The following RFC5 variants were observed in gnomAD, a reference collection of about 807,000 sequenced individuals.
The protein encoded by RFC5 is replication factor C subunit 5.
Under a neutral mutation model 44.3 loss-of-function variants are expected in RFC5, and 26 were observed. The observed-to-expected ratio is 0.59, with a 90% CI of 0.43 to 0.81. The LOEUF is 0.81. RFC5 is among the 40% of genes least tolerant of loss of function. RFC5 has a pLI of 0.00. For missense variants in RFC5, 328 were observed against 418.6 expected, an observed-to-expected ratio of 0.78 and a Z score of 1.89; for synonymous variants, 155 against 155.2, an observed-to-expected ratio of 1.00 and a Z score of 0.01.
intron 9 of RFC5, among the ~76,000 whole-genome samples, chr12:118,028,683 GAT>G (rs1209546156): frequency 6.7e-6 from 1 of 149,836 alleles, no homozygotes; most frequent in African/African-American, 2.5e-5. Context: ...TGTCTATCTA[GAT>G]ATATATTCCC....
Position 118,031,332 on chromosome 12 carries a change from A to C in RFC5, c.*54A>C. ...GGGCTCAGCAGTGATGGGAGAACAGAGGACAGTTCCAGGATAAACTGCTGC... is the reference window on the plus strand; with the variant it reads ...GGGCTCAGCAGTGATGGGAGAACAGCGGACAGTTCCAGGATAAACTGCTGC... On this transcript the variant is annotated 3_prime_UTR_variant, in exon 11 of 11. Coordinates refer to ENST00000454402, the MANE Select transcript of RFC5 (RefSeq NM_007370.7). The C allele has an allele frequency of 4.1e-6, 5 of 1,233,984 alleles. No homozygotes were observed. Among genetic ancestry groups the C allele is most frequent in the Non-Finnish European group, 5.9e-6 (5 of 843,142 alleles). The allele number at this position is 1,233,984 out of a possible 1,614,324, so 76.4% of individuals were successfully genotyped here.
rs1170433994 is a variant in RFC5, at chr12:118,031,519, G to GAA, written c.*247_*248dup. 3.2e-6 allele frequency: 1 copy of GAA among 309,550 alleles called. No homozygotes were observed. The highest frequency in any genetic ancestry group is 2.2e-5 in the African/African-American group (1 of 46,400). 19.2% of individuals were successfully genotyped at this position (309,550 alleles called of 1,614,324 possible). On this transcript the variant is annotated 3_prime_UTR_variant, in exon 11 of 11. Transcript: ENST00000454402. Reference sequence around the variant, plus strand: ...CTCATACTGCCTGTCTTTTATAGGGGAAAAAAATAACCTTTTTTATTTTAA... The same window carrying GAA: ...CTCATACTGCCTGTCTTTTATAGGGGAAAAAAAAATAACCTTTTTTATTTTAA...
chr12:118,027,821 GT>G, intron 8 of RFC5, 131 bp from the exon 9 acceptor site: 1 of 620,438 alleles, frequency 1.6e-6, no homozygotes, highest in Non-Finnish European at 2.9e-6. Context: ...GCAGCTTCAA[GT>G]TGAAAGAGAA....
chr12:118,029,314 G>A (rs4767651), intron 9 of RFC5, among the ~76,000 whole-genome samples: 15,478 of 152,088 alleles, frequency 0.1, 1,254 homozygotes, highest in East Asian at 0.4. Flanking sequence ...GTTACTCAAG[G>A]GTCTTGAGGT....
downstream of RFC5, chr12:118,036,654 C>T (rs573158902): frequency 4.3e-5 from 37 of 862,116 alleles, no homozygotes; most frequent in Middle Eastern, 2.9e-4. Context: ...TCTTCCAGAA[C>T]GTGTGGTGTA....
rs58896704 is a variant in RFC5 at position 118,027,671 on chromosome 12, T to TA, written c.794-267dup. ...TGGGTGACAGAGGGAGATTCCATCT[T>TA]AAAAAAAAAAAAAAAGAAAGAAAGA... On this transcript the variant is annotated intron_variant, in intron 8 of 10. Coordinates refer to ENST00000454402, the MANE Select transcript of RFC5 (RefSeq NM_007370.7). Among the ~76,000 whole-genome samples the TA allele has an allele frequency of 2.3e-3, 300 of 129,648 alleles. 2 individuals are homozygous for TA. The highest frequency in any genetic ancestry group is 0.02 in the South Asian group (73 of 3,650). 85.1% of individuals were successfully genotyped at this position (129,648 alleles called of 152,430 possible).
At chr12:118,030,078 G>A (rs990466603) in intron 10 of RFC5, among the ~76,000 whole-genome samples, 1 of 152,066 alleles carries the variant, frequency 6.6e-6, no homozygotes, top group East Asian at 1.9e-4. Context: ...TCACAGGCTC[G>A]GCCCACATTG....
At chr12:118,017,672 C>A (rs552558943) in intron 1 of RFC5, 2 of 994,712 alleles carry the variant, frequency 2.0e-6, no homozygotes, top group Non-Finnish European at 2.6e-6. Context: ...TATGTATTTA[C>A]GTATTTTTTT....
At chr12:118,020,064 G>A (rs1398220480) in intron 3 of RFC5, among the ~76,000 whole-genome samples, 2 of 152,164 alleles carry the variant, frequency 1.3e-5, no homozygotes, top group African/African-American at 2.4e-5. Flanking sequence ...GGCCCCTCTA[G>A]ATCAATTCTC....
chr12:118,026,147 C>T (rs986904362), intron 7 of RFC5, among the ~76,000 whole-genome samples: 2 of 151,912 alleles, frequency 1.3e-5, no homozygotes, highest in Non-Finnish European at 2.9e-5. Flanking sequence ...CCAGCCTGGT[C>T]CCAGCAAATC....
At chr12:118,025,306 T>C in intron 6 of RFC5, 1 of 357,758 alleles carries the variant, frequency 2.8e-6, no homozygotes, top group Non-Finnish European at 5.1e-6. Context: ...CTGAGTCCCT[T>C]CTGCAAAGAT....
In RFC5 at chr12:118,020,940, T is replaced by G; in HGVS notation, c.302T>G (p.Ile101Ser). 6.2e-7 allele frequency: 1 copy of G among 1,612,830 alleles called. No individual in the cohort carries two copies. Among genetic ancestry groups the G allele is most frequent in the South Asian group, 1.1e-5 (1 of 91,046 alleles). The change falls in exon 4 of 11, where the codon ATT (isoleucine) becomes AGT (serine). Residue 101 changes from isoleucine to serine, a missense_variant. Coordinates refer to ENST00000454402, the MANE Select transcript of RFC5 (RefSeq NM_007370.7). Reference protein sequence around the residue: ...NASDDRGIDIIRGPILSFAST... With the variant: ...NASDDRGIDISRGPILSFAST... ...TCAGATGACCGAGGAATAGACATCA[T>G]TCGAGGACCGATCCTGAGCTTTGCT...
chr12:118,039,179 G>A, the RFC5 span, among the ~76,000 whole-genome samples: 1 of 152,146 alleles, frequency 6.6e-6, no homozygotes, highest in Non-Finnish European at 1.5e-5. Context: ...CAGTGGTGTG[G>A]AGTCACTAGG....
chr12:118,031,113 CTT>C, intron 10 of RFC5, 67 bp from the exon 11 acceptor site: 1 of 1,084,608 alleles, frequency 9.2e-7, no homozygotes, highest in Non-Finnish European at 1.4e-6. Context: ...CCCTAGATCT[CTT>C]GGTCCCTTAA....
intron 1 of RFC5, among the ~76,000 whole-genome samples, chr12:118,018,765 A>G (rs915586026): frequency 6.6e-6 from 1 of 152,114 alleles, no homozygotes; most frequent in Non-Finnish European, 1.5e-5. Context: ...GTATGCCACC[A>G]TGCCCAGCTA....
Position 118,020,948 on chromosome 12 carries a change from C to A in RFC5, c.310C>A (p.Pro104Thr). 1 of 1,612,054 alleles carries A rather than the reference C, an allele frequency of 6.2e-7. No homozygotes were observed. Among genetic ancestry groups the A allele is most frequent in the Non-Finnish European group, 8.5e-7 (1 of 1,178,396 alleles). Residue 104 changes from proline to threonine, a missense_variant, in exon 4 of 11, where the codon CCG becomes ACG. By Grantham distance (38) the Pro-to-Thr change is conservative (BLOSUM62 -1). Transcript: ENST00000454402. Reference protein sequence around the residue: ...DDRGIDIIRGPILSFASTRTI... With the variant: ...DDRGIDIIRGTILSFASTRTI... ...CCGAGGAATAGACATCATTCGAGGA[C>A]CGATCCTGAGCTTTGCTAGCACAAG...
chr12:118,039,090 CTG>C, the RFC5 span, among the ~76,000 whole-genome samples: 21 of 152,238 alleles, frequency 1.4e-4, no homozygotes, highest in East Asian at 3.9e-3. Flanking sequence ...CATTTAAACT[CTG>C]TAATGGTTTC....
chr12:118,025,420 G>A (rs2030868068), intron 6 of RFC5: 2 of 334,384 alleles, frequency 6.0e-6, no homozygotes, highest in South Asian at 6.3e-5. Flanking sequence ...TGTTGTGAAG[G>A]AGGAGTTTCG....
Position 118,026,950 on chromosome 12 carries a change from C to T in RFC5, c.725C>T (p.Pro242Leu), listed in dbSNP as rs750622189. 10 of 1,613,922 alleles carry T rather than the reference C, an allele frequency of 6.2e-6. No homozygotes were observed. The highest frequency in any genetic ancestry group is 1.7e-5 in the Admixed American group (1 of 60,004). Residue 242 changes from proline (P) to leucine (L), a missense_variant, in exon 8 of 11, where the codon CCG becomes CTG. Transcript: ENST00000454402. ...ACTGTCTACACCTGCACCGGGCACCCGCTCAAGTCAGACATTGCCAACATC... is the reference window on the plus strand; with the variant it reads ...ACTGTCTACACCTGCACCGGGCACCTGCTCAAGTCAGACATTGCCAACATC... ...EETVYTCTGH[P>L]LKSDIANILD...
Sources: allele counts gnomAD v4.1 joint callset (sites outside exome capture counted in the v4.1 genomes callset), GRCh38; gene constraint gnomAD v4.1.1; transcripts MANE v1.5; gene names NCBI Gene and HGNC (gene_info 2026-07-23, HGNC 2026-07-21).